Variants in STIL observed in about 807,000 individuals in gnomAD.
The protein encoded by STIL is SCL-interrupting locus protein.
STIL carries 55 observed loss-of-function variants against 110.1 expected under a neutral mutation model. The observed-to-expected ratio is 0.50, with a 90% CI of 0.40 to 0.63. STIL has a LOEUF of 0.63. STIL is among the 20% of genes least tolerant of loss of function. The pLI is 0.00. For missense variants in STIL, 1,358 were observed against 1,530.0 expected (o/e 0.89, Z 1.87); for synonymous variants, 481 against 530.0 (o/e 0.91, Z 1.27).
In STIL at chr1:47,260,507, G is replaced by C; in HGVS notation, c.2862C>G (p.Ser954=). The change falls in exon 16 of 17, where the codon TCC becomes TCG. Residue 954 remains serine (S), a synonymous_variant. Coordinates refer to ENST00000371877, the MANE Select transcript of STIL (RefSeq NM_001048166.1). ...GQVNHLLNSS[S]KETEQPSTKA... The stretch of plus-strand genomic sequence containing the variant: ...TGGTAGACGGCTGCTCAGTTTCCTT[G>C]GAGGAACTATTTAATAGGTGGTTTA... 6.2e-7 allele frequency: 1 copy of C among 1,614,046 alleles called. No homozygotes were observed. The highest frequency in any genetic ancestry group is 8.5e-7 in the Non-Finnish European group (1 of 1,180,012).
intron 4 of STIL, 149 bp downstream of exon 4, chr1:47,302,085 T>TA (rs1557769943): frequency 1.5e-6 from 1 of 668,398 alleles, no homozygotes; most frequent in Non-Finnish European, 2.6e-6. Context: ...ACAAGTAATT[T>TA]AAAAAAATGT....
chr1:47,284,852 T>C (rs1294786803), intron 10 of STIL, among the ~76,000 whole-genome samples: 1 of 151,358 alleles, frequency 6.6e-6, no homozygotes, highest in African/African-American at 2.4e-5. Flanking sequence ...ATCACACCAC[T>C]GTACTCCAGC....
chr1:47,264,443 T>A (rs1644577753), intron 14 of STIL, among the ~76,000 whole-genome samples: 1 of 152,166 alleles, frequency 6.6e-6, no homozygotes, highest in Non-Finnish European at 1.5e-5. Context: ...ATGCTTCTAA[T>A]ATGCCAAGTA....
intron 16 of STIL, among the ~76,000 whole-genome samples, chr1:47,255,550 C>CA (rs60137249): frequency 0.27 from 33,582 of 123,402 alleles, 4,875 homozygotes; most frequent in Non-Finnish European, 0.31. Context: ...CCCTGTCTCT[C>CA]AAAAAAAAAA....
At chr1:47,270,293 C>CACACA (rs1557722828) in intron 13 of STIL, among the ~76,000 whole-genome samples, 1 of 144,950 alleles carries the variant, frequency 6.9e-6, no homozygotes, top group Non-Finnish European at 1.5e-5. Flanking sequence ...CACACACACA[C>CACACA]AATTACTTAG....
At chr1:47,305,547 G>C (rs1054607677) in intron 2 of STIL, among the ~76,000 whole-genome samples, 2 of 151,540 alleles carry the variant, frequency 1.3e-5, no homozygotes, top group Admixed American at 1.3e-4. Context: ...TCCAGCCTTA[G>C]CCTCCCAAGT....
chr1:47,253,410 T>A (rs1227142551), intron 16 of STIL, among the ~76,000 whole-genome samples: 1 of 152,188 alleles, frequency 6.6e-6, no homozygotes, highest in Non-Finnish European at 1.5e-5. Context: ...TTTTGTCTGT[T>A]CTCCTGGCCC....
At chr1:47,277,626 T>C (rs1373910352) in intron 12 of STIL, among the ~76,000 whole-genome samples, 1 of 152,160 alleles carries the variant, frequency 6.6e-6, no homozygotes, top group Non-Finnish European at 1.5e-5. Context: ...AGTATATATC[T>C]ACAAAGCAGA....
intron 14 of STIL, among the ~76,000 whole-genome samples, chr1:47,263,712 A>G (rs1644547810): frequency 6.9e-6 from 1 of 145,204 alleles, no homozygotes; most frequent in Non-Finnish European, 1.5e-5. Context: ...AGAGCATTTA[A>G]ATATTTTAGG....
At chr1:47,252,778 T>TACACACACACACAC (rs3043070) in intron 16 of STIL, among the ~76,000 whole-genome samples, 18 of 140,114 alleles carry the variant, frequency 1.3e-4, no homozygotes, top group South Asian at 2.4e-4. Context: ...TATGGGCTTA[T>TACACACACACACAC]ACACACACAC....
intron 2 of STIL, among the ~76,000 whole-genome samples, chr1:47,307,278 T>G (rs901566565): frequency 6.6e-6 from 1 of 152,198 alleles, no homozygotes; most frequent in Non-Finnish European, 1.5e-5. Context: ...ACCGCACCAC[T>G]GCACTCCAGC....
intron 12 of STIL, among the ~76,000 whole-genome samples, chr1:47,276,812 T>TAAA (rs36154290): frequency 3.0e-5 from 2 of 67,628 alleles, no homozygotes; most frequent in East Asian, 5.2e-4. Flanking sequence ...AAACTCTGCC[T>TAAA]AAAAAAAAAA....
chr1:47,298,782 C>T lies in STIL; in HGVS notation c.701+1123G>A, dbSNP rs561421432. Among the ~76,000 whole-genome samples, 9 of 151,890 alleles carry T rather than the reference C, an allele frequency of 5.9e-5. No individual in the cohort carries two copies. In the East Asian group the frequency reaches 7.8e-4, roughly 13 times the overall value. On this transcript the variant is annotated intron_variant, in intron 6 of 16. Transcript: ENST00000371877. ...TTTTTGAGACAGAGTCTCGCTCTGC[C>T]GCCCACACTGAAGTGCAATGGTGTG...
At position 47,301,613 on chromosome 1, in the gene STIL, C is replaced by A; in HGVS notation, c.401G>T (p.Cys134Phe). 6.2e-7 allele frequency: 1 copy of A among 1,613,948 alleles called. No individual in the cohort carries two copies. The highest frequency in any genetic ancestry group is 1.1e-5 in the South Asian group (1 of 91,082). The stretch of plus-strand genomic sequence containing the variant: ...ACTGTGAACTATCATTTCTCTTGAA[C>A]AAAGTTCTTGAGTATGAACTTTGCA... ...IPCKVHTQEL[C>F]SREMIVHSVD... is the part of the protein sequence containing the mutation. Residue 134 changes from cysteine to phenylalanine, a missense_variant, in exon 5 of 17, where the codon TGT (cysteine) becomes TTT (phenylalanine). Coordinates refer to ENST00000371877, the MANE Select transcript of STIL (RefSeq NM_001048166.1).
At chr1:47,265,247 A>AAAC (rs1557713983) in intron 14 of STIL, among the ~76,000 whole-genome samples, 3 of 150,458 alleles carry the variant, frequency 2.0e-5, no homozygotes, top group African/African-American at 7.3e-5. Flanking sequence ...CAAAAAAAAA[A>AAAC]AAAAAAAAAA....
chr1:47,314,729 ATT>A (rs34330805), upstream of STIL, among the ~76,000 whole-genome samples: 37 of 145,884 alleles, frequency 2.5e-4, no homozygotes, highest in Non-Finnish European at 2.6e-4. Flanking sequence ...TAGTGACATA[ATT>A]TTTTTTTTTT....
chr1:47,301,894 C>A, intron 4 of STIL, 146 bp from the exon 5 acceptor site: 1 of 768,262 alleles, frequency 1.3e-6, no homozygotes. Flanking sequence ...TTACAGTAAA[C>A]TAAACTCTTA....
At chr1:47,305,153 T>G in intron 2 of STIL, 157 bp from the exon 3 acceptor site, 1 of 593,806 alleles carries the variant, frequency 1.7e-6, no homozygotes, top group South Asian at 2.1e-5. Context: ...TGAGACAAAG[T>G]CTCACTCCAT....
At chr1:47,273,499 G>A (rs543631032) in intron 12 of STIL, among the ~76,000 whole-genome samples, 1 of 152,294 alleles carries the variant, frequency 6.6e-6, no homozygotes, top group Admixed American at 6.5e-5. Flanking sequence ...ATGTTTTGAA[G>A]GTTCAACCAT....
Sources: gnomAD v4.1 joint callset for allele counts (sites outside exome capture counted in the v4.1 genomes callset) on GRCh38, gnomAD v4.1.1 for gene constraint, MANE v1.5 for transcripts, NCBI Gene and HGNC (gene_info 2026-07-23, HGNC 2026-07-21) for gene names.